The following LCLAT1 variants were observed in gnomAD, a reference collection of about 807,000 sequenced individuals.
The protein encoded by LCLAT1 is lysocardiolipin acyltransferase 1, also known as 1-AGP acyltransferase 8.
In LCLAT1, 11 loss-of-function variants were observed where a neutral mutation model predicts 30.7. That is an observed-to-expected ratio of 0.36 (90% confidence interval 0.23 to 0.59). The LOEUF (loss-of-function observed/expected upper bound fraction) is 0.59. Among genes scored for constraint, LCLAT1 ranks in the 20% least tolerant of loss-of-function variants. The probability of loss-of-function intolerance (pLI) is 0.77; values close to 1 mark genes in which losing one functional copy is unlikely to be tolerated. For synonymous variants in LCLAT1, 155 were observed against 151.3 expected, an observed-to-expected ratio of 1.02 and a Z score of -0.18; for missense variants, 402 against 458.6, an observed-to-expected ratio of 0.88 and a Z score of 1.13.
At chr2:30,491,884 A>G (rs1572519342) in intron 1 of LCLAT1, among the ~76,000 whole-genome samples, 2 of 152,212 alleles carry the variant, frequency 1.3e-5, no homozygotes, top group Admixed American at 6.5e-5. Flanking sequence ...TAGTGATAAG[A>G]AAAGGGAATA....
At chr2:30,546,943 A>G (rs932345180) in intron 3 of LCLAT1, among the ~76,000 whole-genome samples, 20 of 152,104 alleles carry the variant, frequency 1.3e-4, no homozygotes, top group African/African-American at 4.1e-4. Flanking sequence ...GAATGTATTA[A>G]GATGAATAGA....
intron 1 of LCLAT1, among the ~76,000 whole-genome samples, chr2:30,481,317 G>A (rs912890485): frequency 2.6e-5 from 4 of 152,170 alleles, no homozygotes; most frequent in African/African-American, 7.2e-5. Flanking sequence ...CCTGTGGGTC[G>A]GTCTGCAGCT....
At chr2:30,448,301 A>G (rs1273067080) in intron 1 of LCLAT1, among the ~76,000 whole-genome samples, 1 of 152,258 alleles carries the variant, frequency 6.6e-6, no homozygotes, top group East Asian at 1.9e-4. Flanking sequence ...CATGAAGTAT[A>G]ACTACGTGGG....
rs542657445 is a variant in LCLAT1, at chr2:30,460,131, C to T, written c.-5+12748C>T. Among the ~76,000 whole-genome samples, 5 of 152,254 alleles carry T rather than the reference C, an allele frequency of 3.3e-5. No homozygotes were observed. The South Asian group carries it at 8.3e-4, about 25-fold the overall frequency. ...ATAGGAGCTTATGTGATACCATTAG[C>T]TAGTATCCTCCTTTTGAAACAGTGA... On this transcript the variant is annotated intron_variant, in intron 1 of 5. Transcript: ENST00000379509.
At position 30,458,129 on chromosome 2, in the gene LCLAT1, C is replaced by A. The variant is rs549223674; in HGVS notation, c.-5+10746C>A. On this transcript the variant is annotated intron_variant, in intron 1 of 5. Transcript: ENST00000379509. ...AATTGGAAAGAATAGAGTGTAGTAG[C>A]TGACAATAGTTGCTTTTGGAGAGGT... Among the ~76,000 whole-genome samples the A allele has an allele frequency of 2.6e-5, 4 of 151,954 alleles. No individual in the cohort carries two copies. In the South Asian group the frequency reaches 8.3e-4, roughly 32 times the overall value.
intron 5 of LCLAT1, among the ~76,000 whole-genome samples, chr2:30,569,539 A>C (rs527407284): frequency 2.6e-5 from 4 of 152,310 alleles, no homozygotes; most frequent in African/African-American, 9.6e-5. Context: ...TCATCTGGTA[A>C]CTGATATATT....
At chr2:30,585,094 A>C (rs1188379231) in intron 5 of LCLAT1, among the ~76,000 whole-genome samples, 5 of 151,924 alleles carry the variant, frequency 3.3e-5, no homozygotes, top group Admixed American at 2.6e-4. Flanking sequence ...TGATGGGCTC[A>C]TTTTTCAAAC....
intron 1 of LCLAT1, among the ~76,000 whole-genome samples, chr2:30,519,315 A>G (rs1314617451): frequency 6.6e-6 from 1 of 152,124 alleles, no homozygotes; most frequent in Non-Finnish European, 1.5e-5. Flanking sequence ...CATGACTAAG[A>G]TCTACCGTGG....
At chr2:30,566,941 C>T (rs1665512251) in intron 4 of LCLAT1, among the ~76,000 whole-genome samples, 1 of 152,128 alleles carries the variant, frequency 6.6e-6, no homozygotes, top group South Asian at 2.1e-4. Flanking sequence ...ATCATGTGCC[C>T]ATTTTGTTAT....
In LCLAT1 at chr2:30,471,296, G is replaced by A. The variant is rs533949943; in HGVS notation, c.-5+23913G>A. 1.5e-3 allele frequency among the ~76,000 whole-genome samples: 232 copies of A among 151,864 alleles called. 2 individuals are homozygous for A. The highest frequency in any genetic ancestry group is 5.2e-3 in the African/African-American group (214 of 41,382). On this transcript the variant is annotated intron_variant, in intron 1 of 5. Coordinates refer to ENST00000379509, the MANE Select transcript of LCLAT1 (RefSeq NM_001002257.3). ...GTGATCTCAGCTCACTGCAACCTCC[G>A]CCTCCCGGGTTCAAGCGATTCTTCT...
intron 5 of LCLAT1, among the ~76,000 whole-genome samples, chr2:30,631,488 C>T (rs1009471528): frequency 5.9e-5 from 9 of 152,170 alleles, no homozygotes; most frequent in African/African-American, 2.2e-4. Context: ...CACTTGGCAT[C>T]TCTCACAAAG....
Position 30,641,908 on chromosome 2 carries a change from C to CTTTTTTTTTTTT in LCLAT1, c.*1300_*1301insTTTTTTTTTTTT, listed in dbSNP as rs869025828. 1 of 74,502 alleles carries CTTTTTTTTTTTT rather than the reference C, an allele frequency of 1.3e-5. No homozygotes were observed. The highest frequency in any genetic ancestry group is 3.3e-5 in the African/African-American group (1 of 30,420). The allele number at this position is 74,502 out of a possible 1,614,324, so 4.6% of individuals were successfully genotyped here. A position where few individuals can be genotyped will look rare whatever the true frequency, so the allele number is the denominator to read the frequency against. ...CACACTTTTTTTTCTTTTTTTTTTT[C>CTTTTTTTTTTTT]TTTTTTTTTTTGTCGTGTAAGAAGG... On this transcript the variant is annotated 3_prime_UTR_variant, in exon 6 of 6. Transcript: ENST00000379509.
chr2:30,475,788 G>T (rs1292867721), intron 1 of LCLAT1, among the ~76,000 whole-genome samples: 2 of 152,150 alleles, frequency 1.3e-5, no homozygotes, highest in African/African-American at 4.8e-5. Context: ...TGAGAAGCAA[G>T]ATTTTGAGAA....
At chr2:30,545,250 G>A (rs370932840) in intron 3 of LCLAT1, among the ~76,000 whole-genome samples, 1 of 152,118 alleles carries the variant, frequency 6.6e-6, no homozygotes, top group African/African-American at 2.4e-5. Context: ...AAGAATGGCT[G>A]CATCGTAGTG....
intron 1 of LCLAT1, among the ~76,000 whole-genome samples, chr2:30,474,233 A>G (rs567184275): frequency 8.5e-5 from 13 of 152,332 alleles, no homozygotes; most frequent in Non-Finnish European, 1.9e-4. Flanking sequence ...CAGGAGGACA[A>G]CTGAACCTGC....
chr2:30,509,797 C>T (rs1470504514), intron 1 of LCLAT1, among the ~76,000 whole-genome samples: 2 of 152,044 alleles, frequency 1.3e-5, no homozygotes, highest in Admixed American at 1.3e-4. Flanking sequence ...CTCCTGACCT[C>T]GAATGATCCA....
At chr2:30,557,296 G>A (rs1664968952) in intron 3 of LCLAT1, among the ~76,000 whole-genome samples, 1 of 148,070 alleles carries the variant, frequency 6.8e-6, no homozygotes, top group Non-Finnish European at 1.5e-5. Flanking sequence ...GTGTGTGTGT[G>A]TGTGTGTGTG....
At chr2:30,448,874 T>C (rs947250306) in intron 1 of LCLAT1, among the ~76,000 whole-genome samples, 1 of 152,208 alleles carries the variant, frequency 6.6e-6, no homozygotes, top group Admixed American at 6.5e-5. Context: ...GTATTTCTTA[T>C]TCAAACAATC....
intron 1 of LCLAT1, among the ~76,000 whole-genome samples, chr2:30,521,893 C>T (rs1009743017): frequency 2.6e-5 from 4 of 152,070 alleles, no homozygotes; most frequent in African/African-American, 9.7e-5. Context: ...TTTCCTTATC[C>T]TTTGGGTTTG....
Sources: allele counts gnomAD v4.1 joint callset (sites outside exome capture counted in the v4.1 genomes callset), GRCh38; gene constraint gnomAD v4.1.1; transcripts MANE v1.5; gene names NCBI Gene and HGNC (gene_info 2026-07-23, HGNC 2026-07-21).